NSMCE2: variants seen among roughly 807,000 people sequenced by gnomAD.
NSMCE2 encodes E3 SUMO-protein ligase NSE2.
Under a neutral mutation model 23.8 loss-of-function variants are expected in NSMCE2, and 24 were observed. The observed-to-expected ratio is 1.01, with a 90% CI of 0.73 to 1.42. The LOEUF (loss-of-function observed/expected upper bound fraction) is 1.42. NSMCE2 is among the 40% of genes most tolerant of loss of function. NSMCE2 has a pLI of 0.00. For synonymous variants in NSMCE2, 92 were observed against 94.1 expected (o/e 0.98, Z 0.13); for missense variants, 284 against 296.5 (o/e 0.96, Z 0.31).
intron 3 of NSMCE2, among the ~76,000 whole-genome samples, chr8:125,132,985 A>G (rs529788281): frequency 6.6e-6 from 1 of 152,356 alleles, no homozygotes; most frequent in East Asian, 1.9e-4. Context: ...CACCAGTAAG[A>G]TTAAGTTATT....
chr8:125,332,193 T>G (rs1216544359), intron 5 of NSMCE2, among the ~76,000 whole-genome samples: 2 of 152,232 alleles, frequency 1.3e-5, no homozygotes, highest in African/African-American at 4.8e-5. Context: ...AATTTGAGAA[T>G]TATTTTGCCA....
chr8:125,284,037 T>C (rs1827797955), intron 5 of NSMCE2, among the ~76,000 whole-genome samples: 2 of 151,418 alleles, frequency 1.3e-5, no homozygotes, highest in South Asian at 4.2e-4. Flanking sequence ...GCCTGTAGTC[T>C]CAGCTACTTG....
chr8:125,167,398 G>C (rs576289132), intron 4 of NSMCE2, among the ~76,000 whole-genome samples: 28 of 152,294 alleles, frequency 1.8e-4, no homozygotes, highest in African/African-American at 6.3e-4. Context: ...CCGGCATGGT[G>C]GTTTATGCCT....
intron 5 of NSMCE2, among the ~76,000 whole-genome samples, chr8:125,309,735 T>A (rs1828907986): frequency 1.3e-5 from 2 of 151,008 alleles, no homozygotes; most frequent in Admixed American, 6.6e-5. Flanking sequence ...AAAAAAAAAA[T>A]GTATTAATTG....
rs1247954984 is a variant in NSMCE2, at chr8:125,116,544, A to G, written c.157+14057A>G. Among the ~76,000 whole-genome samples the G allele has an allele frequency of 5.3e-5, 8 of 152,218 alleles. No homozygotes were observed. The East Asian group carries it at 1.5e-3, about 29-fold the overall frequency. ...CCTATTATGGATAGTTGCTTTTATA[A>G]TGTTAGAATTGGTTGCTCTGTGTGT... On this transcript the variant is annotated intron_variant, in intron 3 of 7. Coordinates refer to ENST00000287437, the MANE Select transcript of NSMCE2 (RefSeq NM_173685.4).
intron 5 of NSMCE2, among the ~76,000 whole-genome samples, chr8:125,226,719 G>A (rs1367244323): frequency 6.6e-6 from 1 of 152,170 alleles, no homozygotes; most frequent in East Asian, 1.9e-4. Flanking sequence ...AGGCAGAGGG[G>A]ATGTGGAAAA....
At chr8:125,162,197 G>A (rs2891627) in intron 4 of NSMCE2, among the ~76,000 whole-genome samples, 1 of 152,110 alleles carries the variant, frequency 6.6e-6, no homozygotes, top group Admixed American at 6.6e-5. Flanking sequence ...AAAAGCTGCA[G>A]CAATACTTCT....
Position 125,103,050 on chromosome 8 carries a change from G to A in NSMCE2, c.157+563G>A, listed in dbSNP as rs554522525. 6.7e-4 allele frequency among the ~76,000 whole-genome samples: 102 copies of A among 152,206 alleles called. 1 individual carries two copies. The highest frequency in any genetic ancestry group is 2.3e-3 in the African/African-American group (96 of 41,512). On this transcript the variant is annotated intron_variant, in intron 3 of 7. Coordinates refer to ENST00000287437, the MANE Select transcript of NSMCE2 (RefSeq NM_173685.4). ...TGGGAGGCCGAGGCCGGCAGATCAC[G>A]AGGTCAGGAGTTTGAGACCAGCCTG...
At chr8:125,169,883 G>C (rs1235517375) in intron 4 of NSMCE2, among the ~76,000 whole-genome samples, 2 of 150,568 alleles carry the variant, frequency 1.3e-5, no homozygotes, top group Non-Finnish European at 3.0e-5. Context: ...CTCTTTGAAT[G>C]TTCTCTTGCC....
intron 3 of NSMCE2, among the ~76,000 whole-genome samples, chr8:125,108,428 A>G (rs573645423): frequency 6.6e-6 from 1 of 152,376 alleles, no homozygotes; most frequent in East Asian, 1.9e-4. Flanking sequence ...TAAGGCAGCC[A>G]GTATCAGCAC....
At chr8:125,186,456 A>C (rs1239142881) in intron 5 of NSMCE2, among the ~76,000 whole-genome samples, 1 of 152,182 alleles carries the variant, frequency 6.6e-6, no homozygotes, top group East Asian at 1.9e-4. Context: ...CATTCAGAAC[A>C]CTTTGAGGAT....
rs547130763 is a variant in NSMCE2, at chr8:125,267,164, C to T, written c.418+84908C>T. Among the ~76,000 whole-genome samples, 6 of 151,934 alleles carry T rather than the reference C, an allele frequency of 3.9e-5. No homozygotes were observed. In the South Asian group the frequency reaches 8.3e-4, roughly 21 times the overall value. On this transcript the variant is annotated intron_variant, in intron 5 of 7. Coordinates refer to ENST00000287437, the MANE Select transcript of NSMCE2 (RefSeq NM_173685.4). The stretch of plus-strand genomic sequence containing the variant: ...GATTATATATAGGCACGCACTGCCA[C>T]GCCCGGTTAATTTTTGTATTTTTAG...
intron 4 of NSMCE2, among the ~76,000 whole-genome samples, chr8:125,167,196 A>C (rs1011612230): frequency 6.6e-6 from 1 of 152,194 alleles, no homozygotes; most frequent in Non-Finnish European, 1.5e-5. Flanking sequence ...GGTATGACCA[A>C]CCACTACTGA....
intron 5 of NSMCE2, among the ~76,000 whole-genome samples, chr8:125,296,391 C>CT (rs1828326963): frequency 6.0e-5 from 6 of 100,694 alleles, no homozygotes; most frequent in South Asian, 3.3e-4. Flanking sequence ...TTGCCATGGT[C>CT]ATTTTTTTTT....
intron 5 of NSMCE2, among the ~76,000 whole-genome samples, chr8:125,244,838 G>A (rs1479516157): frequency 2.6e-5 from 4 of 151,658 alleles, no homozygotes; most frequent in African/African-American, 4.8e-5. Context: ...ATGAACATTC[G>A]CACACAAAAA....
chr8:125,146,574 T>G (rs958219355), intron 3 of NSMCE2, among the ~76,000 whole-genome samples: 7 of 152,060 alleles, frequency 4.6e-5, no homozygotes, highest in South Asian at 2.1e-4. Context: ...CCATAAAAAA[T>G]GATGAGTTCA....
At chr8:125,182,852 T>C (rs995387181) in intron 5 of NSMCE2, 3 of 152,330 alleles carry the variant, frequency 2.0e-5, no homozygotes, top group Non-Finnish European at 4.4e-5. Context: ...AATGTAATTT[T>C]TTATACCAAA....
At chr8:125,357,666 G>A (rs375714497) in intron 6 of NSMCE2, 46 bp from the exon 7 acceptor site, 465 of 1,407,184 alleles carry the variant, frequency 3.3e-4, no homozygotes, top group Non-Finnish European at 2.9e-4. Context: ...GCTACTGGAA[G>A]TTGATCATTA....
chr8:125,318,238 A>G (rs1029084372), intron 5 of NSMCE2, among the ~76,000 whole-genome samples: 3 of 152,098 alleles, frequency 2.0e-5, no homozygotes, highest in Admixed American at 6.5e-5. Context: ...GTGAAACCCC[A>G]TATCTACAAA....
Sources: gnomAD v4.1 joint callset for allele counts (sites outside exome capture counted in the v4.1 genomes callset) on GRCh38, gnomAD v4.1.1 for gene constraint, MANE v1.5 for transcripts, NCBI Gene and HGNC (gene_info 2026-07-23, HGNC 2026-07-21) for gene names.